CSDC2: variants seen among roughly 807,000 people sequenced by gnomAD.
The protein encoded by CSDC2 is cold shock domain containing C2.
In CSDC2, 8 loss-of-function variants were observed where a neutral mutation model predicts 15.8. The ratio of observed to expected loss-of-function variants is 0.51; its 90% CI spans 0.30 to 0.92. The LOEUF (loss-of-function observed/expected upper bound fraction) is 0.92, where lower values mean the gene tolerates loss of function less well. CSDC2 is among the 40% of genes least tolerant of loss of function. The probability of loss-of-function intolerance (pLI) is 0.07; values close to 1 mark genes in which losing one functional copy is unlikely to be tolerated. For missense variants in CSDC2, 195 were observed against 213.3 expected, an observed-to-expected ratio of 0.91 and a Z score of 0.53; for synonymous variants, 96 against 92.3, an observed-to-expected ratio of 1.04 and a Z score of -0.23.
At chr22:41,573,447 C>G (rs578101928) in intron 2 of CSDC2, among the ~76,000 whole-genome samples, 9 of 152,248 alleles carry the variant, frequency 5.9e-5, no homozygotes, top group African/African-American at 1.9e-4. Context: ...ATCCTCCCGC[C>G]TCAGCCTCCC....
At chr22:41,574,157 G>A (rs1382610783) in intron 3 of CSDC2, among the ~76,000 whole-genome samples, 2 of 152,234 alleles carry the variant, frequency 1.3e-5, no homozygotes, top group Non-Finnish European at 2.9e-5. Context: ...GGAGGACCGG[G>A]GGAGGTCACT....
intron 1 of CSDC2, among the ~76,000 whole-genome samples, chr22:41,564,650 T>C (rs1029980171): frequency 6.6e-6 from 1 of 152,226 alleles, no homozygotes; most frequent in Non-Finnish European, 1.5e-5. Context: ...GTTGTTCTGG[T>C]GCCTGCACTC....
intron 1 of CSDC2, among the ~76,000 whole-genome samples, chr22:41,567,887 G>A (rs879818453): frequency 4.6e-5 from 7 of 152,222 alleles, no homozygotes; most frequent in Non-Finnish European, 8.8e-5. Flanking sequence ...GGAGCTTTGA[G>A]GGGTGGGCGA....
rs866578040 is a variant in CSDC2, at chr22:41,574,830, G to A, written c.397G>A (p.Val133Met). The A allele has an allele frequency of 6.2e-7, 1 of 1,613,062 alleles. No homozygotes were observed. The highest frequency in any genetic ancestry group is 1.3e-5 in the African/African-American group (1 of 75,060). The change falls in exon 4 of 4, where the codon GTG becomes ATG. Residue 133 changes from valine to methionine, a missense_variant. By Grantham distance (21) the Val-to-Met change is conservative. Transcript: ENST00000306149. ...CCAGAAGTTCCAGGCCGTGGAGGTG[G>A]TGCTCACTCAGCTGGCCCCCCACAC... ...KNQKFQAVEV[V>M]LTQLAPHTPH...
Position 41,574,860 on chromosome 22 carries a change from C to A in CSDC2, c.427C>A (p.His143Asn), listed in dbSNP as rs1475648365. ...CACTCAGCTGGCCCCCCACACTCCCCACGAGACGTGGTCTGGCCAGGTCGT... is the reference window on the plus strand; with the variant it reads ...CACTCAGCTGGCCCCCCACACTCCCAACGAGACGTGGTCTGGCCAGGTCGT... Reference protein sequence around the residue: ...VLTQLAPHTPHETWSGQVVGS With the variant: ...VLTQLAPHTPNETWSGQVVGS Residue 143 changes from histidine (H) to asparagine (N), a missense_variant, in exon 4 of 4, where the codon CAC becomes AAC. By Grantham distance (68) the His-to-Asn change is moderately conservative. Transcript: ENST00000306149. 3 of 1,608,866 alleles carry A rather than the reference C, an allele frequency of 1.9e-6. No homozygotes were observed. The South Asian group carries it at 3.3e-5, about 18-fold the overall frequency.
At chr22:41,562,269 C>T (rs1428586850) in intron 1 of CSDC2, among the ~76,000 whole-genome samples, 11 of 152,010 alleles carry the variant, frequency 7.2e-5, no homozygotes, top group Admixed American at 7.2e-4. Context: ...TGACTCCATC[C>T]CAGAGTCCTC....
rs187188003 is a variant in CSDC2 at position 41,566,863 on chromosome 22, C to T, written c.-123-4980C>T. 5.9e-4 allele frequency among the ~76,000 whole-genome samples: 84 copies of T among 142,478 alleles called. 1 individual carries two copies. The highest frequency in any genetic ancestry group is 2.1e-3 in the African/African-American group (81 of 37,912). The allele number at this position is 142,478 out of a possible 152,430, so 93.5% of individuals were successfully genotyped here. On this transcript the variant is annotated intron_variant, in intron 1 of 3. Transcript: ENST00000306149. The stretch of plus-strand genomic sequence containing the variant: ...AAAGGCGTGAACCCGGGAGGCGGAG[C>T]TTGCAGTGAGCCAAGATCGCGCCAC...
At position 41,572,379 on chromosome 22, in the gene CSDC2, CCCACCCACCCATCCATCCATCCATCCAT is replaced by C. The variant is rs1569049131; in HGVS notation, c.176+242_176+269del. On this transcript the variant is annotated intron_variant, in intron 2 of 3. Coordinates refer to ENST00000306149, the MANE Select transcript of CSDC2 (RefSeq NM_014460.4). The stretch of plus-strand genomic sequence containing the variant: ...ACCCACCCACCCACCCACCCACCCA[CCCACCCACCCATCCATCCATCCATCCAT>C]CCATCCATCCATCCATCCATCCATC... Among the ~76,000 whole-genome samples, 215 of 43,494 alleles carry C rather than the reference CCCACCCACCCATCCATCCATCCATCCAT, an allele frequency of 4.9e-3. 4 individuals are homozygous for C. Among genetic ancestry groups the C allele is most frequent in the African/African-American group, 0.013 (105 of 8,344 alleles). 28.5% of individuals were successfully genotyped at this position (43,494 alleles called of 152,430 possible). A position where few individuals can be genotyped will look rare whatever the true frequency, so the allele number is the denominator to read the frequency against.
intron 1 of CSDC2, among the ~76,000 whole-genome samples, chr22:41,570,764 G>A (rs2067141064): frequency 6.7e-6 from 1 of 149,452 alleles, no homozygotes; most frequent in Non-Finnish European, 1.5e-5. Context: ...AGAAGTGACA[G>A]TGAGCCGAGA....
At chr22:41,566,069 C>A (rs1377680350) in intron 1 of CSDC2, among the ~76,000 whole-genome samples, 1 of 150,848 alleles carries the variant, frequency 6.6e-6, no homozygotes, top group African/African-American at 2.4e-5. Context: ...CTTTGGGAGG[C>A]CAAGGCGGGT....
chr22:41,566,717 A>G (rs1195832953), intron 1 of CSDC2, among the ~76,000 whole-genome samples: 1 of 151,428 alleles, frequency 6.6e-6, no homozygotes, highest in East Asian at 1.9e-4. Context: ...AGGCGGGCAG[A>G]TCACGAGGTC....
intron 1 of CSDC2, among the ~76,000 whole-genome samples, chr22:41,570,682 C>T (rs1037653296): frequency 1.3e-5 from 2 of 151,390 alleles, no homozygotes; most frequent in Non-Finnish European, 2.9e-5. Context: ...ATTAGCCAGG[C>T]GTGTTGGCAG....
chr22:41,574,684 G>A (rs752960719), intron 3 of CSDC2, 49 bp from the exon 4 acceptor site: 1 of 1,596,970 alleles, frequency 6.3e-7, no homozygotes, highest in Non-Finnish European at 8.5e-7. Context: ...AGGATTGTCT[G>A]GGGCACAGGG....
chr22:41,564,635 C>G (rs964382773), intron 1 of CSDC2, among the ~76,000 whole-genome samples: 3 of 152,188 alleles, frequency 2.0e-5, no homozygotes, highest in Non-Finnish European at 4.4e-5. Flanking sequence ...TGTTGCCCCA[C>G]GTTTGTTGTT....
chr22:41,572,241 G>A (rs1449056378), intron 2 of CSDC2, 100 bp downstream of exon 2: 7 of 1,038,502 alleles, frequency 6.7e-6, no homozygotes, highest in Non-Finnish European at 8.8e-6. Flanking sequence ...CTGGGACAGG[G>A]GAACTGTGTG....
chr22:41,572,489 C>T (rs1157537857), intron 2 of CSDC2, among the ~76,000 whole-genome samples: 4 of 151,408 alleles, frequency 2.6e-5, no homozygotes, highest in South Asian at 2.1e-4. Flanking sequence ...TCCATCCATC[C>T]GTCTGTCCGT....
Position 41,574,877 on chromosome 22 carries a change from C to T in CSDC2, c.444C>T (p.Gly148=), listed in dbSNP as rs1399475827. 1.3e-6 allele frequency: 2 copies of T among 1,599,978 alleles called. No homozygotes were observed. ...APHTPHETWS[G]QVVGS is the part of the protein sequence containing the mutation. ...ACACTCCCCACGAGACGTGGTCTGG[C>T]CAGGTCGTGGGCTCCTAGGCTGAGT... Residue 148 remains glycine (G), a synonymous_variant, in exon 4 of 4, where the codon GGC becomes GGT. Coordinates refer to ENST00000306149, the MANE Select transcript of CSDC2 (RefSeq NM_014460.4).
chr22:41,571,159 C>A (rs933073059), intron 1 of CSDC2, among the ~76,000 whole-genome samples: 3 of 151,960 alleles, frequency 2.0e-5, no homozygotes. Flanking sequence ...TCGAGACCTG[C>A]CTGGCCAACA....
chr22:41,568,777 G>A (rs2067129777), intron 1 of CSDC2, among the ~76,000 whole-genome samples: 2 of 152,184 alleles, frequency 1.3e-5, no homozygotes, highest in African/African-American at 4.8e-5. Flanking sequence ...CCTCCCTTCT[G>A]CTCTCTGGTC....
Sources: gnomAD v4.1 joint callset for allele counts (sites outside exome capture counted in the v4.1 genomes callset) on GRCh38, gnomAD v4.1.1 for gene constraint, MANE v1.5 for transcripts, NCBI Gene and HGNC (gene_info 2026-07-23, HGNC 2026-07-21) for gene names.